Variants in TLL1 observed in about 807,000 individuals in gnomAD.
TLL1 encodes tolloid like 1, also known as tolloid-like protein 1.
In TLL1, 49 loss-of-function variants were observed where a neutral mutation model predicts 128.2. The ratio of observed to expected loss-of-function variants is 0.38; its 90% CI spans 0.30 to 0.48. TLL1 has a LOEUF of 0.48. Ranked by LOEUF, TLL1 falls within the 20% of genes least tolerant of loss-of-function variation. The probability of loss-of-function intolerance (pLI) is 0.96; values close to 1 mark genes in which losing one functional copy is unlikely to be tolerated. For missense variants in TLL1, 1,123 were observed against 1,242.0 expected (o/e 0.90, Z 1.44); for synonymous variants, 454 against 418.8 (o/e 1.08, Z -1.03).
chr4:165,956,334 C>G (rs1465438359), intron 1 of TLL1, among the ~76,000 whole-genome samples: 1 of 152,000 alleles, frequency 6.6e-6, no homozygotes, highest in Non-Finnish European at 1.5e-5. Flanking sequence ...CCTGAGGGTA[C>G]TGGAGGAGAC....
At chr4:166,004,949 C>CGGG (rs538455668) in intron 6 of TLL1, among the ~76,000 whole-genome samples, 52 of 150,680 alleles carry the variant, frequency 3.5e-4, no homozygotes, top group Admixed American at 5.9e-4. Flanking sequence ...TGGGTGGTGG[C>CGGG]GGGGGGGTGC....
At position 165,941,400 on chromosome 4, in the gene TLL1, T is replaced by G. The variant is rs1190180483; in HGVS notation, c.170-47981T>G. On this transcript the variant is annotated intron_variant, in intron 1 of 20. Coordinates refer to ENST00000061240, the MANE Select transcript of TLL1 (RefSeq NM_012464.5). ...CTAGAGTTAAGTGGAAGAGAAGAAA[T>G]CATTTGAAAGCATAGATAGCATGTA... is the stretch of plus-strand genomic sequence containing the variant. Among the ~76,000 whole-genome samples, 5 of 152,146 alleles carry G rather than the reference T, an allele frequency of 3.3e-5. No individual in the cohort carries two copies. In the East Asian group the frequency reaches 9.6e-4, roughly 29 times the overall value.
In TLL1 at chr4:165,888,809, G is replaced by C. The variant is rs180892059; in HGVS notation, c.169+14736G>C. ...TTTTCATTCTTCCTTATACTTAGAA[G>C]CCCCAGATGTGGGAATCCCTGATTT... On this transcript the variant is annotated intron_variant, in intron 1 of 20. Transcript: ENST00000061240. Among the ~76,000 whole-genome samples the C allele has an allele frequency of 2.3e-3, 343 of 152,232 alleles. 1 individual carries two copies. The highest frequency in any genetic ancestry group is 8.0e-3 in the African/African-American group (331 of 41,542).
chr4:166,041,840 A>G (rs954292075), intron 10 of TLL1, among the ~76,000 whole-genome samples, 187 bp from the exon 11 acceptor site: 16 of 152,220 alleles, frequency 1.1e-4, no homozygotes, highest in African/African-American at 3.9e-4. Context: ...TTATAAATAT[A>G]TATGAAGACA....
intron 16 of TLL1, among the ~76,000 whole-genome samples, chr4:166,069,058 G>T (rs897983501): frequency 6.6e-6 from 1 of 151,554 alleles, no homozygotes; most frequent in African/African-American, 2.4e-5. Context: ...AAATATAAAA[G>T]AAAAAACTCC....
intron 1 of TLL1, among the ~76,000 whole-genome samples, chr4:165,920,697 C>T (rs1408907483): frequency 6.6e-6 from 1 of 151,970 alleles, no homozygotes; most frequent in Non-Finnish European, 1.5e-5. Flanking sequence ...TTATCAAATC[C>T]TGAGGATCTA....
intron 1 of TLL1, among the ~76,000 whole-genome samples, chr4:165,976,900 A>G (rs958523814): frequency 2.0e-5 from 3 of 152,060 alleles, no homozygotes; most frequent in Admixed American, 2.0e-4. Context: ...TAAAAACATT[A>G]TGCGGTTTTT....
chr4:165,889,291 T>A (rs530009268), intron 1 of TLL1, among the ~76,000 whole-genome samples: 3 of 152,306 alleles, frequency 2.0e-5, no homozygotes, highest in African/African-American at 7.2e-5. Context: ...TGAAAATATA[T>A]CAGATATCTA....
Position 166,091,129 on chromosome 4 carries a change from C to G in TLL1, c.2444C>G (p.Ala815Gly), listed in dbSNP as rs200047769. 1.1e-5 allele frequency: 18 copies of G among 1,610,208 alleles called. No individual in the cohort carries two copies. Among genetic ancestry groups the G allele is most frequent in the Non-Finnish European group, 1.5e-5 (18 of 1,178,148 alleles). ...AATTATTTCTTCTTTTTAAAAAAGG[C>G]CTTTAGTGAATTTGAGATTGAGCAG... ...SATPGHRIKL[A>G]FSEFEIEQHQ... Residue 815 changes from alanine to glycine, a missense_variant and splice_region_variant, in exon 19 of 21, where the codon GCC (alanine) becomes GGC (glycine). This residue lies in a region of TLL1 where 634 missense variants were observed against 672.4 expected (regional missense o/e 0.94). Coordinates refer to ENST00000061240, the MANE Select transcript of TLL1 (RefSeq NM_012464.5).
intron 9 of TLL1, among the ~76,000 whole-genome samples, chr4:166,035,337 C>G (rs766643821): frequency 6.6e-6 from 1 of 152,000 alleles, no homozygotes; most frequent in Non-Finnish European, 1.5e-5. Flanking sequence ...TATATTTTTT[C>G]AGGGTTTATA....
At chr4:165,914,716 C>T (rs1041963191) in intron 1 of TLL1, among the ~76,000 whole-genome samples, 4 of 152,136 alleles carry the variant, frequency 2.6e-5, no homozygotes, top group Admixed American at 6.5e-5. Context: ...ATGCAGAGGA[C>T]CCTTGTCACA....
chr4:165,981,653 T>C (rs9991169), intron 1 of TLL1, among the ~76,000 whole-genome samples: 12,162 of 152,092 alleles, frequency 0.08, 1,596 homozygotes, highest in African/African-American at 0.27. Context: ...TTCCAACATC[T>C]TTTTCCTTTA....
At chr4:165,890,234 A>G (rs1484103965) in intron 1 of TLL1, among the ~76,000 whole-genome samples, 1 of 152,300 alleles carries the variant, frequency 6.6e-6, no homozygotes, top group Admixed American at 6.5e-5. Context: ...GAGAACTACA[A>G]TTCAAGATGA....
At chr4:165,990,982 T>C (rs1379368523) in intron 2 of TLL1, among the ~76,000 whole-genome samples, 1 of 152,004 alleles carries the variant, frequency 6.6e-6, no homozygotes, top group Non-Finnish European at 1.5e-5. Flanking sequence ...CCTGTAACAC[T>C]GTCATGGAGA....
intron 9 of TLL1, among the ~76,000 whole-genome samples, chr4:166,036,923 T>G (rs1739030597): frequency 6.6e-6 from 1 of 152,082 alleles, no homozygotes; most frequent in African/African-American, 2.4e-5. Flanking sequence ...CTAATTTAGC[T>G]TTATTTTTTT....
rs1396010517 is a variant in TLL1, at chr4:166,104,026, G to A, written c.*3150G>A. The A allele has an allele frequency of 6.6e-6, 1 of 151,752 alleles. No homozygotes were observed. Among genetic ancestry groups the A allele is most frequent in the African/African-American group, 2.4e-5 (1 of 41,336 alleles). The allele number at this position is 151,752 out of a possible 1,614,324, so 9.4% of individuals were successfully genotyped here. A position where few individuals can be genotyped will look rare whatever the true frequency, so the allele number is the denominator to read the frequency against. On this transcript the variant is annotated 3_prime_UTR_variant, in exon 21 of 21. Transcript: ENST00000061240. ...CCTCAAATATCCCATTCCTATACTGGCTGGATTTTTGCTACCTGTCGCTCA... is the reference window on the plus strand; with the variant it reads ...CCTCAAATATCCCATTCCTATACTGACTGGATTTTTGCTACCTGTCGCTCA...
chr4:165,974,990 A>T (rs1735808601), intron 1 of TLL1, among the ~76,000 whole-genome samples: 1 of 152,152 alleles, frequency 6.6e-6, no homozygotes, highest in African/African-American at 2.4e-5. Flanking sequence ...AGAGGAATTT[A>T]TTGGGATTCA....
intron 1 of TLL1, among the ~76,000 whole-genome samples, chr4:165,950,318 G>C (rs1292313490): frequency 6.6e-6 from 1 of 152,058 alleles, no homozygotes; most frequent in African/African-American, 2.4e-5. Context: ...ATACACCATT[G>C]CATTTGGAGA....
intron 18 of TLL1, among the ~76,000 whole-genome samples, chr4:166,080,896 CCT>C (rs1339818536): frequency 1.8e-4 from 27 of 152,148 alleles, no homozygotes; most frequent in Admixed American, 7.9e-4. Flanking sequence ...TCCTCTCCAC[CCT>C]TTTTTGTCTT....
Sources: allele counts gnomAD v4.1 joint callset (sites outside exome capture counted in the v4.1 genomes callset), GRCh38; gene constraint gnomAD v4.1.1; regional missense constraint gnomAD v4.1.1; transcripts MANE v1.5; gene names NCBI Gene and HGNC (gene_info 2026-07-23, HGNC 2026-07-21).